NBAS: variants seen among roughly 807,000 people sequenced by gnomAD.
NBAS encodes NBAS subunit of NRZ tethering complex.
Under a neutral mutation model 302.5 loss-of-function variants are expected in NBAS, and 219 were observed. The observed-to-expected ratio is 0.72, with a 90% CI of 0.65 to 0.81. The LOEUF is 0.81. Ranked by LOEUF, NBAS falls within the 30% of genes least tolerant of loss-of-function variation. The probability of loss-of-function intolerance (pLI) is 0.00; values close to 1 mark genes in which losing one functional copy is unlikely to be tolerated. For synonymous variants in NBAS, 1,118 were observed against 1,021.6 expected, an observed-to-expected ratio of 1.09 and a Z score of -1.80; for missense variants, 2,932 against 2,841.6, an observed-to-expected ratio of 1.03 and a Z score of -0.72.
rs767505822 is a variant in NBAS, at chr2:15,475,709, T to C, written c.1319A>G (p.Asp440Gly). 8.7e-6 allele frequency: 14 copies of C among 1,613,954 alleles called. No homozygotes were observed. Among genetic ancestry groups the C allele is most frequent in the South Asian group, 1.1e-5 (1 of 91,086 alleles). ...EPSPQVTATH[D>G]GGFLSLECEI... The stretch of plus-strand genomic sequence containing the variant: ...TACCTCCAAACTTAAAAATCCCCCA[T>C]CATGGGTAGCAGTGACTTGAGGTGA... Residue 440 changes from aspartate (D) to glycine (G), a missense_variant, in exon 14 of 52, where the codon GAT becomes GGT. By Grantham distance (94) the Asp-to-Gly change is moderately conservative. Transcript: ENST00000281513.
rs944296377 is a variant in NBAS, at chr2:15,555,416, A to G, written c.210-1278T>C. ...TATGAGGATGATAATTTCCTCTAGA[A>G]GGGAAGGGAAAAGAAAAAGGGAAAG... On this transcript the variant is annotated intron_variant, in intron 3 of 51. Transcript: ENST00000281513. Among the ~76,000 whole-genome samples the G allele has an allele frequency of 2.6e-5, 4 of 152,166 alleles. No individual in the cohort carries two copies. In the East Asian group the frequency reaches 7.7e-4, roughly 29 times the overall value.
intron 32 of NBAS, 36 bp downstream of exon 32, chr2:15,366,544 A>C: frequency 6.5e-7 from 1 of 1,536,936 alleles, no homozygotes; most frequent in Non-Finnish European, 9.0e-7. Flanking sequence ...ATAACATAGA[A>C]AGCTTATTCT....
At chr2:15,215,002 G>C (rs546384839) in intron 48 of NBAS, among the ~76,000 whole-genome samples, 1 of 152,088 alleles carries the variant, frequency 6.6e-6, no homozygotes, top group Non-Finnish European at 1.5e-5. Flanking sequence ...AGGTGACATG[G>C]TATGGGATTT....
chr2:15,279,095 A>G (rs1669716341), intron 42 of NBAS, among the ~76,000 whole-genome samples: 1 of 152,206 alleles, frequency 6.6e-6, no homozygotes, highest in Non-Finnish European at 1.5e-5. Context: ...AAGTCTAAAA[A>G]CAATGTAGTA....
At chr2:14,897,476 C>G in the NBAS span, among the ~76,000 whole-genome samples, 1 of 152,182 alleles carries the variant, frequency 6.6e-6, no homozygotes, top group Admixed American at 6.5e-5. Context: ...ATATCCATTG[C>G]TTTGTAAACC....
chr2:15,360,214 A>G (rs1284732047), intron 32 of NBAS, among the ~76,000 whole-genome samples: 1 of 151,914 alleles, frequency 6.6e-6, no homozygotes, highest in Non-Finnish European at 1.5e-5. Context: ...AAGGCCGAGG[A>G]TATGACTGTA....
chr2:15,341,648 C>T (rs953200026), intron 35 of NBAS, among the ~76,000 whole-genome samples: 3 of 151,614 alleles, frequency 2.0e-5, no homozygotes, highest in Non-Finnish European at 4.4e-5. Flanking sequence ...GAAGAAACAG[C>T]GGGATAGAAG....
At chr2:14,992,768 T>C in the NBAS span, among the ~76,000 whole-genome samples, 1 of 152,160 alleles carries the variant, frequency 6.6e-6, no homozygotes, top group African/African-American at 2.4e-5. Flanking sequence ...GTGTGCAATT[T>C]GCAGGTAACA....
chr2:15,383,612 G>C (rs558282700), intron 28 of NBAS, among the ~76,000 whole-genome samples: 3 of 152,248 alleles, frequency 2.0e-5, no homozygotes, highest in African/African-American at 7.2e-5. Flanking sequence ...TTACAGTAAA[G>C]GTAAAGAAGC....
At chr2:15,076,683 A>C in the NBAS span, among the ~76,000 whole-genome samples, 34 of 152,278 alleles carry the variant, frequency 2.2e-4, no homozygotes, top group South Asian at 6.8e-3. Flanking sequence ...ACCTTCCTTC[A>C]AAATGCCCCT....
the NBAS span, among the ~76,000 whole-genome samples, chr2:14,960,362 T>G: frequency 6.6e-6 from 1 of 152,240 alleles, no homozygotes; most frequent in Non-Finnish European, 1.5e-5. Context: ...ACAGCCCAGT[T>G]TATGAGACAC....
the NBAS span, among the ~76,000 whole-genome samples, chr2:14,847,149 C>T: frequency 6.6e-6 from 1 of 151,892 alleles, no homozygotes; most frequent in Non-Finnish European, 1.5e-5. Flanking sequence ...TTTCAGAGGC[C>T]GAGGTGGGTA....
the NBAS span, among the ~76,000 whole-genome samples, chr2:14,834,075 A>G: frequency 3.3e-5 from 5 of 152,186 alleles, no homozygotes; most frequent in African/African-American, 1.2e-4. Context: ...ATATCTCTGC[A>G]TGGCAAATAA....
At chr2:15,219,091 G>T (rs1666798133) in intron 47 of NBAS, 123 bp from the exon 48 acceptor site, 1 of 1,210,718 alleles carries the variant, frequency 8.3e-7, no homozygotes, top group African/African-American at 1.5e-5. Context: ...TTTTCCTCTT[G>T]AAAGGAAAAA....
chr2:15,102,584 C>T, the NBAS span, among the ~76,000 whole-genome samples: 6 of 152,134 alleles, frequency 3.9e-5, no homozygotes, highest in Non-Finnish European at 7.3e-5. Context: ...CTTTGCAACT[C>T]CATGGTGTCT....
chr2:14,931,132 A>T, the NBAS span, among the ~76,000 whole-genome samples: 2 of 152,264 alleles, frequency 1.3e-5, no homozygotes, highest in African/African-American at 4.8e-5. Context: ...TCCCAACACC[A>T]GATTTTGAGC....
the NBAS span, among the ~76,000 whole-genome samples, chr2:14,822,286 G>A: frequency 2.0e-5 from 3 of 152,044 alleles, no homozygotes; most frequent in African/African-American, 7.2e-5. Context: ...TATTTCACCA[G>A]GAAATGGCTT....
intron 44 of NBAS, among the ~76,000 whole-genome samples, chr2:15,259,523 C>T (rs182293723): frequency 4.6e-5 from 7 of 152,290 alleles, no homozygotes; most frequent in African/African-American, 1.7e-4. Context: ...AGAAAGCTTG[C>T]AATTATAATC....
chr2:15,304,697 T>C (rs1670952689), intron 40 of NBAS, among the ~76,000 whole-genome samples: 1 of 152,234 alleles, frequency 6.6e-6, no homozygotes. Flanking sequence ...ACTCTTGCTA[T>C]TCTTTAGCAA....
Sources: allele counts gnomAD v4.1 joint callset (sites outside exome capture counted in the v4.1 genomes callset), GRCh38; gene constraint gnomAD v4.1.1; transcripts MANE v1.5; gene names NCBI Gene and HGNC (gene_info 2026-07-23, HGNC 2026-07-21).